FKBP10: variants seen among roughly 807,000 people sequenced by gnomAD.
FKBP10 encodes peptidyl-prolyl cis-trans isomerase FKBP10.
A neutral mutation model predicts 53.7 loss-of-function variants in FKBP10; 34 were observed. The observed-to-expected ratio is 0.63, with a 90% CI of 0.48 to 0.84. The LOEUF (loss-of-function observed/expected upper bound fraction) is 0.84. FKBP10 is among the 40% of genes least tolerant of loss of function. The pLI, the probability that FKBP10 is intolerant of heterozygous loss-of-function variation, is 0.00. For synonymous variants in FKBP10, 324 were observed against 335.7 expected, an observed-to-expected ratio of 0.97 and a Z score of 0.38; for missense variants, 748 against 797.8, an observed-to-expected ratio of 0.94 and a Z score of 0.75.
At position 41,817,204 on chromosome 17, in the gene FKBP10, G is replaced by A. The variant is rs141847881; in HGVS notation, c.391+1G>A. On this transcript the variant is annotated splice_donor_variant, in intron 2 of 9. Coordinates refer to ENST00000321562, the MANE Select transcript of FKBP10 (RefSeq NM_021939.4). LOFTEE classifies it high-confidence loss of function. Reference sequence around the variant, plus strand: ...CTGGGCTATGGGAGCATCGGCCTGGGTGAGAAGGGCTGGGGCACAGGCCGG... The same window carrying A: ...CTGGGCTATGGGAGCATCGGCCTGGATGAGAAGGGCTGGGGCACAGGCCGG... 5.0e-6 allele frequency: 8 copies of A among 1,612,576 alleles called. No homozygotes were observed. The highest frequency in any genetic ancestry group is 5.9e-6 in the Non-Finnish European group (7 of 1,180,040).
In FKBP10 at chr17:41,819,687, C is replaced by A; in HGVS notation, c.1063+12C>A. 6.3e-7 allele frequency: 1 copy of A among 1,590,466 alleles called. No homozygotes were observed. ...GGAGAATGGAACTGGTAGGGGCGTT[C>A]CCCAGCCACCACCTCAGCTCCTCCT... is the stretch of plus-strand genomic sequence containing the variant. On this transcript the variant is annotated intron_variant, in intron 6 of 9. Transcript: ENST00000321562.
intron 1 of FKBP10, 143 bp from the exon 2 acceptor site, chr17:41,816,915 A>G (rs1453546022): frequency 8.2e-7 from 1 of 1,217,078 alleles, no homozygotes; most frequent in Non-Finnish European, 1.2e-6. Flanking sequence ...AAAGGAGGTG[A>G]GAAGTGTGTG....
In FKBP10 at chr17:41,818,638, C is replaced by G. The variant is rs143154299; in HGVS notation, c.727+111C>G. On this transcript the variant is annotated intron_variant, in intron 4 of 9. Coordinates refer to ENST00000321562, the MANE Select transcript of FKBP10 (RefSeq NM_021939.4). The stretch of plus-strand genomic sequence containing the variant: ...GCACGAGGGCATCCAACCAAGGACT[C>G]AAGGTGGGATGAAATCTACCCTTGG... The G allele has an allele frequency of 2.8e-6, 4 of 1,423,010 alleles. No individual in the cohort carries two copies. In the South Asian group the frequency reaches 4.9e-5, roughly 17 times the overall value. 88.1% of individuals were successfully genotyped at this position (1,423,010 alleles called of 1,614,324 possible).
intron 4 of FKBP10, chr17:41,818,821 TG>T: frequency 4.7e-6 from 2 of 424,480 alleles, no homozygotes; most frequent in Non-Finnish European, 8.7e-6. Context: ...CCGGGCGTGG[TG>T]GGGGCGCCTG....
At position 41,820,359 on chromosome 17, in the gene FKBP10, T is replaced by C. The variant is rs1555616826; in HGVS notation, c.1154T>C (p.Leu385Pro). The C allele has an allele frequency of 6.2e-7, 1 of 1,614,206 alleles. No homozygotes were observed. The highest frequency in any genetic ancestry group is 1.1e-5 in the South Asian group (1 of 91,090). ...NPADVVEIRT[L>P]SRPSETCNET... ...GCGGATGTGGTGGAAATCAGGACACTGTCCCGGCCATCTGAGACCTGCAAT... is the reference window on the plus strand; with the variant it reads ...GCGGATGTGGTGGAAATCAGGACACCGTCCCGGCCATCTGAGACCTGCAAT... The change falls in exon 7 of 10, where the codon CTG becomes CCG. Residue 385 changes from leucine to proline, a missense_variant. By Grantham distance (98) the Leu-to-Pro change is moderately conservative. Coordinates refer to ENST00000321562, the MANE Select transcript of FKBP10 (RefSeq NM_021939.4).
At chr17:41,820,064 G>T (rs782597385) in intron 6 of FKBP10, 2 of 1,361,968 alleles carry the variant, frequency 1.5e-6, no homozygotes, top group African/African-American at 1.5e-5. Flanking sequence ...GTGGAAAAGG[G>T]CTTTCTTACT....
chr17:41,813,265 G>A lies in FKBP10; in HGVS notation c.231G>A (p.Lys77=). The change falls in exon 1 of 10, where the codon AAG becomes AAA. Residue 77 remains lysine, a synonymous_variant. Coordinates refer to ENST00000321562, the MANE Select transcript of FKBP10 (RefSeq NM_021939.4). ...YHYNGTFEDG[K]KFDSSYDRNT... Reference sequence around the variant, plus strand: ...ACAACGGCACTTTTGAAGATGGCAAGAAGTTTGATTCAAGGTAACCCCGGT... The same window carrying A: ...ACAACGGCACTTTTGAAGATGGCAAAAAGTTTGATTCAAGGTAACCCCGGT... 1 of 1,613,794 alleles carries A rather than the reference G, an allele frequency of 6.2e-7. No individual in the cohort carries two copies. The highest frequency in any genetic ancestry group is 8.5e-7 in the Non-Finnish European group (1 of 1,179,974).
chr17:41,814,877 C>T (rs1253101248), intron 1 of FKBP10, among the ~76,000 whole-genome samples: 4 of 152,090 alleles, frequency 2.6e-5, no homozygotes, highest in Non-Finnish European at 4.4e-5. Context: ...TGATTACAGG[C>T]GCATGCCACC....
chr17:41,821,064 G>C lies in FKBP10; in HGVS notation c.1374G>C (p.Pro458=). ...AGAGGCGGCAGCTCATCGTGCCCCCGCACCTGGCCCACGGGGAGAGTGGAG... is the reference window on the plus strand; with the variant it reads ...AGAGGCGGCAGCTCATCGTGCCCCCCCACCTGGCCCACGGGGAGAGTGGAG... ...VGERRQLIVP[P]HLAHGESGAR... The change falls in exon 8 of 10, where the codon CCG becomes CCC. Residue 458 remains proline (P), a synonymous_variant. Transcript: ENST00000321562. The C allele has an allele frequency of 2.0e-6, 3 of 1,522,882 alleles. No homozygotes were observed. Among genetic ancestry groups the C allele is most frequent in the Non-Finnish European group, 2.7e-6 (3 of 1,128,562 alleles). The allele number at this position is 1,522,882 out of a possible 1,614,324, so 94.3% of individuals were successfully genotyped here.
Position 41,818,462 on chromosome 17 carries a change from T to A in FKBP10, c.662T>A (p.Met221Lys). The A allele has an allele frequency of 1.9e-6, 3 of 1,614,176 alleles. No homozygotes were observed. Among genetic ancestry groups the A allele is most frequent in the Non-Finnish European group, 2.5e-6 (3 of 1,180,014 alleles). The change falls in exon 4 of 10, where the codon ATG becomes AAG. Residue 221 changes from methionine to lysine, a missense_variant. Met to Lys is a moderately conservative substitution (Grantham distance 95). Transcript: ENST00000321562. ...GGCATGGACCAGGGGCTGCTGGGCA[T>A]GTGTCCTGGAGAGAGAAGGAAGATT... ...IKGMDQGLLG[M>K]CPGERRKIII... is the part of the protein sequence containing the mutation.
Position 41,819,600 on chromosome 17 carries a change from C to T in FKBP10, c.988C>T (p.Leu330=). ...GYIIPGMDQG[L]QGACMGERRR... is the part of the protein sequence containing the mutation. Reference sequence around the variant, plus strand: ...CATCATCCCCGGGATGGACCAGGGGCTGCAGGGTGCCTGCATGGGGGAACG... The same window carrying T: ...CATCATCCCCGGGATGGACCAGGGGTTGCAGGGTGCCTGCATGGGGGAACG... Residue 330 remains leucine, a synonymous_variant, in exon 6 of 10, where the codon CTG becomes TTG. Coordinates refer to ENST00000321562, the MANE Select transcript of FKBP10 (RefSeq NM_021939.4). The T allele has an allele frequency of 6.2e-7, 1 of 1,613,954 alleles. No homozygotes were observed. Among genetic ancestry groups the T allele is most frequent in the Non-Finnish European group, 8.5e-7 (1 of 1,179,954 alleles).
intron 1 of FKBP10, among the ~76,000 whole-genome samples, chr17:41,816,352 T>G (rs148555297): frequency 0.074 from 10,612 of 143,338 alleles, 517 homozygotes; most frequent in South Asian, 0.1. Context: ...TGCCTCAGCC[T>G]CCTGAGTAAC....
At chr17:41,817,466 C>CA (rs1384848425) in intron 2 of FKBP10, among the ~76,000 whole-genome samples, 1 of 151,690 alleles carries the variant, frequency 6.6e-6, no homozygotes, top group Non-Finnish European at 1.5e-5. Flanking sequence ...CTCGTCTCTA[C>CA]AAAAAATAAA....
chr17:41,817,167 G>T lies in FKBP10; in HGVS notation c.355G>T (p.Val119Leu), dbSNP rs782046189. 1 of 1,613,990 alleles carries T rather than the reference G, an allele frequency of 6.2e-7. No homozygotes were observed. The highest frequency in any genetic ancestry group is 2.2e-5 in the East Asian group (1 of 44,888). ...MCVNERRRLI[V>L]PPHLGYGSIG... ...TGTCAACGAGCGGCGACGCCTCATTGTGCCTCCCCACCTGGGCTATGGGAG... is the reference window on the plus strand; with the variant it reads ...TGTCAACGAGCGGCGACGCCTCATTTTGCCTCCCCACCTGGGCTATGGGAG... The change falls in exon 2 of 10, where the codon GTG becomes TTG. Residue 119 changes from valine (V) to leucine (L), a missense_variant. Coordinates refer to ENST00000321562, the MANE Select transcript of FKBP10 (RefSeq NM_021939.4).
In FKBP10 at chr17:41,820,826, A is replaced by G; in HGVS notation, c.1257-121A>G. ...GCCCCTGCACTCTGCTGCGTGGCCCAAGTCACCAGTGGGAGTAACTCCGGA... is the reference window on the plus strand; with the variant it reads ...GCCCCTGCACTCTGCTGCGTGGCCCGAGTCACCAGTGGGAGTAACTCCGGA... On this transcript the variant is annotated intron_variant, in intron 7 of 9. Coordinates refer to ENST00000321562, the MANE Select transcript of FKBP10 (RefSeq NM_021939.4). The G allele has an allele frequency of 5.7e-6, 8 of 1,404,010 alleles. No homozygotes were observed. The South Asian group carries it at 1.1e-4, about 19-fold the overall frequency. 87.0% of individuals were successfully genotyped at this position (1,404,010 alleles called of 1,614,324 possible).
In FKBP10 at chr17:41,821,174, G is replaced by A. The variant is rs1156279832; in HGVS notation, c.1399+85G>A. The A allele has an allele frequency of 2.1e-6, 3 of 1,449,856 alleles. No individual in the cohort carries two copies. The African/African-American group carries it at 4.5e-5, about 22-fold the overall frequency. The allele number at this position is 1,449,856 out of a possible 1,614,324, so 89.8% of individuals were successfully genotyped here. A position where few individuals can be genotyped will look rare whatever the true frequency, so the allele number is the denominator to read the frequency against. On this transcript the variant is annotated intron_variant, in intron 8 of 9. Transcript: ENST00000321562. ...GTCTGACTCTGTCACCCAGGCTGGA[G>A]TGCAGTGGTGTGCTCTCAGCTCACT...
At chr17:41,818,305 G>A (rs781930881) in intron 3 of FKBP10, 27 bp downstream of exon 3, 5 of 1,614,060 alleles carry the variant, frequency 3.1e-6, no homozygotes, top group Non-Finnish European at 4.2e-6. Flanking sequence ...GAGCCCTGAG[G>A]CACTGGGGAC....
intron 4 of FKBP10, chr17:41,818,772 G>A (rs1025132357): frequency 1.8e-5 from 9 of 508,040 alleles, no homozygotes; most frequent in African/African-American, 1.2e-4. Context: ...TCGAGACCAC[G>A]GTGAAACCCC....
intron 7 of FKBP10, chr17:41,820,665 G>A (rs1597909152): frequency 1.0e-5 from 7 of 673,792 alleles, no homozygotes; most frequent in South Asian, 5.7e-5. Context: ...AAGGGAAGGT[G>A]AAGCCAACAG....
Sources: gnomAD v4.1 joint callset for allele counts (sites outside exome capture counted in the v4.1 genomes callset) on GRCh38, gnomAD v4.1.1 for gene constraint, MANE v1.5 for transcripts, NCBI Gene and HGNC (gene_info 2026-07-23, HGNC 2026-07-21) for gene names.